MAST4: variants seen among roughly 807,000 people sequenced by gnomAD.
The protein encoded by MAST4 is microtubule associated serine/threonine kinase family member 4.
A neutral mutation model predicts 162.7 loss-of-function variants in MAST4; 89 were observed. The observed-to-expected ratio is 0.55, with a 90% CI of 0.46 to 0.65. The LOEUF is 0.65. Ranked by LOEUF, MAST4 falls within the 30% of genes least tolerant of loss-of-function variation. The pLI, the probability that MAST4 is intolerant of heterozygous loss-of-function variation, is 0.00. For missense variants in MAST4, 3,153 were observed against 3,374.0 expected (o/e 0.93, Z 1.62); for synonymous variants, 1,479 against 1,361.1 (o/e 1.09, Z -1.91).
At chr5:66,975,260 C>T (rs189412374) in intron 4 of MAST4, among the ~76,000 whole-genome samples, 16 of 152,284 alleles carry the variant, frequency 1.1e-4, no homozygotes, top group Admixed American at 4.6e-4. Context: ...GAATATATCT[C>T]TATTGTTTTA....
chr5:66,878,820 C>T (rs1409027474), intron 3 of MAST4, among the ~76,000 whole-genome samples: 1 of 152,134 alleles, frequency 6.6e-6, no homozygotes, highest in Non-Finnish European at 1.5e-5. Context: ...GGTTCCTAGC[C>T]CAGTTTACAA....
At chr5:66,743,027 T>G (rs1396420965) in intron 1 of MAST4, among the ~76,000 whole-genome samples, 1 of 152,216 alleles carries the variant, frequency 6.6e-6, no homozygotes, top group East Asian at 1.9e-4. Context: ...GCCTTGATGC[T>G]TGCCGGTTTC....
At chr5:66,967,524 A>G (rs1485914452) in intron 4 of MAST4, among the ~76,000 whole-genome samples, 2 of 152,120 alleles carry the variant, frequency 1.3e-5, no homozygotes, top group African/African-American at 4.8e-5. Context: ...AGAATTTTCT[A>G]AGGAAGATTT....
intron 4 of MAST4, among the ~76,000 whole-genome samples, chr5:67,016,908 G>A (rs888690113): frequency 2.0e-5 from 3 of 152,184 alleles, no homozygotes; most frequent in African/African-American, 7.2e-5. Context: ...AATTCTTTCT[G>A]ATTATGGATG....
intron 4 of MAST4, among the ~76,000 whole-genome samples, chr5:67,022,176 C>T (rs370335819): frequency 8.5e-5 from 13 of 152,124 alleles, no homozygotes; most frequent in African/African-American, 2.2e-4. Flanking sequence ...ATGAAAGCAC[C>T]GCACAGTGAG....
At chr5:66,891,886 A>C (rs983299880) in intron 3 of MAST4, among the ~76,000 whole-genome samples, 2 of 152,218 alleles carry the variant, frequency 1.3e-5, no homozygotes, top group African/African-American at 4.8e-5. Context: ...GAGAAGTCCA[A>C]ATACACGCAA....
At chr5:66,767,170 C>CGTTGTGTGTGTGT (rs1491178013) in intron 2 of MAST4, among the ~76,000 whole-genome samples, 29 of 139,482 alleles carry the variant, frequency 2.1e-4, no homozygotes, top group African/African-American at 7.6e-4. Flanking sequence ...GTAAAGTGCA[C>CGTTGTGTGTGTGT]GTGTGTGTGT....
intron 1 of MAST4, among the ~76,000 whole-genome samples, chr5:66,743,815 CTTATAA>C (rs1561299577): frequency 6.6e-6 from 1 of 152,136 alleles, no homozygotes; most frequent in Admixed American, 6.6e-5. Context: ...GTGGATTATA[CTTATAA>C]TTATTTATTA....
chr5:66,954,781 G>T (rs1377873076), intron 4 of MAST4, among the ~76,000 whole-genome samples: 4 of 151,956 alleles, frequency 2.6e-5, no homozygotes, highest in Non-Finnish European at 5.9e-5. Context: ...TGTGCCTGTA[G>T]TTCCAGCTAC....
chr5:66,848,699 A>AT (rs1759073886), intron 3 of MAST4, among the ~76,000 whole-genome samples: 2 of 152,144 alleles, frequency 1.3e-5, no homozygotes, highest in South Asian at 4.1e-4. Context: ...CCGCCTAGTG[A>AT]TTTTTTAAAA....
chr5:67,078,415 AAG>A (rs912384905), intron 5 of MAST4, among the ~76,000 whole-genome samples: 48 of 151,124 alleles, frequency 3.2e-4, no homozygotes, highest in Non-Finnish European at 8.8e-5. Context: ...TTTGTACAAA[AAG>A]AAACACAAAT....
intron 14 of MAST4, among the ~76,000 whole-genome samples, chr5:67,129,536 A>G (rs957972128): frequency 6.6e-6 from 1 of 152,024 alleles, no homozygotes; most frequent in Non-Finnish European, 1.5e-5. Context: ...CCTGGCCAAC[A>G]TGGTGAAACT....
intron 1 of MAST4, among the ~76,000 whole-genome samples, chr5:66,756,932 T>C (rs1753576200): frequency 6.6e-6 from 1 of 152,150 alleles, no homozygotes; most frequent in East Asian, 1.9e-4. Flanking sequence ...AAAATAATAC[T>C]CCCTTCTTGT....
chr5:66,758,087 C>T (rs1753653516), intron 1 of MAST4, among the ~76,000 whole-genome samples: 1 of 151,288 alleles, frequency 6.6e-6, no homozygotes, highest in South Asian at 2.1e-4. Flanking sequence ...CCCAAGTGCA[C>T]TCTGGAGTCC....
chr5:66,635,946 G>GTTTTTTTTTTT lies in MAST4; in HGVS notation c.363+38947_363+38957dup, dbSNP rs530576186. ...AAAATCACTGCATAAGATAGAGACT[G>GTTTTTTTTTTT]TTTTTTTTTTTTTTTTTTTTTTTTT... On this transcript the variant is annotated intron_variant, in intron 1 of 28. Coordinates refer to ENST00000403625, the MANE Select transcript of MAST4 (RefSeq NM_001164664.2). Among the ~76,000 whole-genome samples the GTTTTTTTTTTT allele has an allele frequency of 2.4e-4, 10 of 41,302 alleles. 2 individuals are homozygous for GTTTTTTTTTTT. Among genetic ancestry groups the GTTTTTTTTTTT allele is most frequent in the African/African-American group, 8.1e-4 (10 of 12,284 alleles). The allele number at this position is 41,302 out of a possible 152,430, so 27.1% of individuals were successfully genotyped here.
chr5:67,128,364 A>G (rs577243367), intron 14 of MAST4, among the ~76,000 whole-genome samples: 1 of 152,324 alleles, frequency 6.6e-6, no homozygotes, highest in Non-Finnish European at 1.5e-5. Context: ...TACAGTGGGA[A>G]TAACAGCACT....
rs77306269 is a variant in MAST4 at position 66,748,179 on chromosome 5, A to G, written c.364-11530A>G. ...CTAGATGTTCCTCTCCTCAACTCCA[A>G]TGAAGTTCCCAGTGGGCAGGGATTT... On this transcript the variant is annotated intron_variant, in intron 1 of 28. Coordinates refer to ENST00000403625, the MANE Select transcript of MAST4 (RefSeq NM_001164664.2). 6.5e-3 allele frequency among the ~76,000 whole-genome samples: 983 copies of G among 152,154 alleles called. 12 individuals carry two copies. The highest frequency in any genetic ancestry group is 0.022 in the African/African-American group (904 of 41,498).
chr5:66,861,000 G>C (rs1760076356), intron 3 of MAST4, among the ~76,000 whole-genome samples: 2 of 152,114 alleles, frequency 1.3e-5, no homozygotes, highest in South Asian at 4.1e-4. Context: ...CCAGCTATGG[G>C]GCCATCTGCT....
intron 16 of MAST4, among the ~76,000 whole-genome samples, chr5:67,132,942 C>T (rs1182814653): frequency 1.3e-5 from 2 of 151,678 alleles, no homozygotes; most frequent in Admixed American, 6.6e-5. Flanking sequence ...ACTGTAATAC[C>T]GTATATACTA....
Sources: gnomAD v4.1 joint callset for allele counts (sites outside exome capture counted in the v4.1 genomes callset) on GRCh38, gnomAD v4.1.1 for gene constraint, MANE v1.5 for transcripts, NCBI Gene and HGNC (gene_info 2026-07-23, HGNC 2026-07-21) for gene names.